The following HHAT variants were observed in gnomAD, a reference collection of about 807,000 sequenced individuals.
HHAT encodes protein-cysteine N-palmitoyltransferase HHAT.
Under a neutral mutation model 70.8 loss-of-function variants are expected in HHAT, and 47 were observed. That is an observed-to-expected ratio of 0.66 (90% confidence interval 0.53 to 0.85). The LOEUF (loss-of-function observed/expected upper bound fraction) is 0.85. Among genes scored for constraint, HHAT ranks in the 40% least tolerant of loss-of-function variants. The pLI is 0.00. For synonymous variants in HHAT, 228 were observed against 247.6 expected (o/e 0.92, Z 0.74); for missense variants, 609 against 604.8 (o/e 1.01, Z -0.07).
Position 210,577,819 on chromosome 1 carries a change from T to C in HHAT, c.1044-10079T>C, listed in dbSNP as rs990352481. On this transcript the variant is annotated intron_variant, in intron 9 of 11. Transcript: ENST00000261458. ...CACCACCACGCTGGGCTAATTTTTGTATTTTTAGTCGAGACAGGGTTTCAC... is the reference window on the plus strand; with the variant it reads ...CACCACCACGCTGGGCTAATTTTTGCATTTTTAGTCGAGACAGGGTTTCAC... Among the ~76,000 whole-genome samples the C allele has an allele frequency of 3.8e-4, 58 of 151,874 alleles. 2 individuals are homozygous for C. The highest frequency in any genetic ancestry group is 1.5e-5 in the Non-Finnish European group (1 of 67,984).
rs542945916 is a variant in HHAT at position 210,415,173 on chromosome 1, A to G, written c.685-2981A>G. 2.0e-5 allele frequency among the ~76,000 whole-genome samples: 3 copies of G among 152,334 alleles called. No homozygotes were observed. In the South Asian group the frequency reaches 6.2e-4, roughly 32 times the overall value. ...ATGACCATACAATATTGAGGTACAC[A>G]CATGCATTTAACCAACACCCTAGTG... On this transcript the variant is annotated intron_variant, in intron 6 of 11. Coordinates refer to ENST00000261458, the MANE Select transcript of HHAT (RefSeq NM_018194.6).
At chr1:210,430,983 A>G (rs2093226318) in intron 7 of HHAT, among the ~76,000 whole-genome samples, 1 of 151,832 alleles carries the variant, frequency 6.6e-6, no homozygotes, top group African/African-American at 2.4e-5. Flanking sequence ...TACATCTGCA[A>G]TCTTTGTTAG....
At chr1:210,476,618 C>G (rs1453262756) in intron 8 of HHAT, among the ~76,000 whole-genome samples, 1 of 152,212 alleles carries the variant, frequency 6.6e-6, no homozygotes, top group Non-Finnish European at 1.5e-5. Flanking sequence ...CTGGACCCTT[C>G]TAATATCAGG....
At chr1:210,558,213 A>G (rs1227623422) in intron 9 of HHAT, among the ~76,000 whole-genome samples, 3 of 152,222 alleles carry the variant, frequency 2.0e-5, no homozygotes, top group African/African-American at 4.8e-5. Flanking sequence ...TGGTGGGTGG[A>G]TAAAAAGCCA....
intron 3 of HHAT, among the ~76,000 whole-genome samples, chr1:210,375,539 T>C (rs948063572): frequency 1.3e-5 from 2 of 151,906 alleles, no homozygotes; most frequent in Non-Finnish European, 2.9e-5. Flanking sequence ...CAGTCCAGAG[T>C]TGGGTCTTTT....
chr1:210,599,724 C>T (rs922449272), intron 10 of HHAT, among the ~76,000 whole-genome samples: 2 of 151,884 alleles, frequency 1.3e-5, no homozygotes, highest in African/African-American at 4.8e-5. Context: ...CTTGCTTCCA[C>T]TTCCTCCCCC....
At chr1:210,565,745 C>T (rs17016490) in intron 9 of HHAT, among the ~76,000 whole-genome samples, 3,104 of 152,232 alleles carry the variant, frequency 0.02, 97 homozygotes, top group African/African-American at 0.067. Context: ...CTCTGTGTTT[C>T]TTTGAAGAGG....
intron 9 of HHAT, among the ~76,000 whole-genome samples, chr1:210,537,750 T>C (rs17260529): frequency 0.19 from 29,549 of 152,224 alleles, 3,379 homozygotes; most frequent in Middle Eastern, 0.29. Flanking sequence ...AGGACTGGCA[T>C]CTCGTTTTGT....
At chr1:210,661,166 C>T (rs1389437685) in intron 11 of HHAT, among the ~76,000 whole-genome samples, 1 of 152,112 alleles carries the variant, frequency 6.6e-6, no homozygotes, top group African/African-American at 2.4e-5. Flanking sequence ...GCAATCTACC[C>T]ATCTGACAAA....
At chr1:210,374,046 T>C (rs1476714620) in intron 3 of HHAT, 1 of 152,232 alleles carries the variant, frequency 6.6e-6, no homozygotes, top group Non-Finnish European at 1.5e-5. Context: ...TAACTGTCTT[T>C]GCAAGTTCTG....
rs1451845589 is a variant in HHAT at position 210,622,362 on chromosome 1, C to T, written c.1246-1164C>T. Among the ~76,000 whole-genome samples, 5 of 152,326 alleles carry T rather than the reference C, an allele frequency of 3.3e-5. No individual in the cohort carries two copies. In the South Asian group the frequency reaches 8.3e-4, roughly 25 times the overall value. On this transcript the variant is annotated intron_variant, in intron 10 of 11. Coordinates refer to ENST00000261458, the MANE Select transcript of HHAT (RefSeq NM_018194.6). ...TCAGATACCCTGGGCCCCTGCATGT[C>T]CCGCTGCTGTGCTGTACCTGGTTCT...
chr1:210,536,850 G>A (rs977134116), intron 9 of HHAT, among the ~76,000 whole-genome samples: 4 of 150,288 alleles, frequency 2.7e-5, no homozygotes, highest in East Asian at 1.9e-4. Flanking sequence ...GTTTAACAGC[G>A]TCTCGGGCCT....
chr1:210,416,916 G>A (rs978763510), intron 6 of HHAT, among the ~76,000 whole-genome samples: 25 of 152,172 alleles, frequency 1.6e-4, no homozygotes, highest in African/African-American at 6.0e-4. Context: ...ACTTTAGGAG[G>A]AAACCCAGAC....
chr1:210,490,943 GA>G (rs953881913), intron 8 of HHAT, among the ~76,000 whole-genome samples: 3 of 151,602 alleles, frequency 2.0e-5, no homozygotes, highest in Non-Finnish European at 4.4e-5. Flanking sequence ...AGGAGCATAG[GA>G]AAAAAAATCC....
At chr1:210,646,109 T>A (rs955200315) in intron 11 of HHAT, among the ~76,000 whole-genome samples, 13 of 152,212 alleles carry the variant, frequency 8.5e-5, no homozygotes, top group African/African-American at 1.2e-4. Context: ...TGTTTGCTTT[T>A]TTGAGTACTC....
chr1:210,650,304 A>C (rs191083305), intron 11 of HHAT, among the ~76,000 whole-genome samples: 1 of 152,332 alleles, frequency 6.6e-6, no homozygotes, highest in East Asian at 1.9e-4. Context: ...AGAGCTAACA[A>C]GTGATGGAGC....
chr1:210,345,444 G>A (rs1312207580), intron 1 of HHAT, among the ~76,000 whole-genome samples: 1 of 152,128 alleles, frequency 6.6e-6, no homozygotes, highest in Non-Finnish European at 1.5e-5. Context: ...TATAATTTTT[G>A]CTTTGCAAAC....
At chr1:210,523,609 T>TGC (rs2095195891) in intron 9 of HHAT, among the ~76,000 whole-genome samples, 1 of 152,030 alleles carries the variant, frequency 6.6e-6, no homozygotes. Flanking sequence ...CTTGTGTGTG[T>TGC]GTGTGCGCGC....
chr1:210,470,999 T>G (rs1050081102), intron 8 of HHAT, among the ~76,000 whole-genome samples: 13 of 152,310 alleles, frequency 8.5e-5, no homozygotes, highest in Admixed American at 2.6e-4. Flanking sequence ...AAGGCAGTGA[T>G]CATGTCTTAT....
Sources: allele counts gnomAD v4.1 joint callset (sites outside exome capture counted in the v4.1 genomes callset), GRCh38; gene constraint gnomAD v4.1.1; transcripts MANE v1.5; gene names NCBI Gene and HGNC (gene_info 2026-07-23, HGNC 2026-07-21).